The following PLXDC1 variants were observed in gnomAD, a reference collection of about 807,000 sequenced individuals.
The protein encoded by PLXDC1 is plexin domain-containing protein 1.
In PLXDC1, 39 loss-of-function variants were observed where a neutral mutation model predicts 61.3. The observed-to-expected ratio is 0.64, with a 90% CI of 0.49 to 0.83. PLXDC1 has a LOEUF of 0.83. Among genes scored for constraint, PLXDC1 ranks in the 40% least tolerant of loss-of-function variants. The pLI is 0.00. For synonymous variants in PLXDC1, 212 were observed against 254.5 expected, an observed-to-expected ratio of 0.83 and a Z score of 1.59; for missense variants, 596 against 666.5, an observed-to-expected ratio of 0.89 and a Z score of 1.17.
intron 2 of PLXDC1, among the ~76,000 whole-genome samples, chr17:39,132,668 G>T (rs1911604119): frequency 6.6e-6 from 1 of 152,180 alleles, no homozygotes; most frequent in Admixed American, 6.5e-5. Context: ...CCTGGCAGAG[G>T]CACTGGGCAG....
At chr17:39,147,198 C>T (rs887166174) in intron 1 of PLXDC1, among the ~76,000 whole-genome samples, 2 of 152,162 alleles carry the variant, frequency 1.3e-5, no homozygotes, top group Non-Finnish European at 2.9e-5. Context: ...CCTTGTGATC[C>T]ACCCACCTCG....
Position 39,108,753 on chromosome 17 carries a change from C to A in PLXDC1, c.469+151G>T, listed in dbSNP as rs548813610. On this transcript the variant is annotated intron_variant, in intron 4 of 13. Transcript: ENST00000315392. ...GGGAGATGCTCTGACGTCCACTGAC[C>A]CCCCTCCTGAGAATCAGACTCCTAT... 5 of 638,680 alleles carry A rather than the reference C, an allele frequency of 7.8e-6. No individual in the cohort carries two copies. In the South Asian group the frequency reaches 8.8e-5, roughly 11 times the overall value. The allele number at this position is 638,680 out of a possible 1,614,324, so 39.6% of individuals were successfully genotyped here.
intron 7 of PLXDC1, among the ~76,000 whole-genome samples, chr17:39,092,080 A>ATTTAT (rs1218500236): frequency 1.3e-5 from 2 of 151,546 alleles, no homozygotes; most frequent in East Asian, 3.9e-4. Flanking sequence ...TTACTTTTTC[A>ATTTAT]TTTATTTATT....
At chr17:39,111,574 T>C (rs7225562) in intron 2 of PLXDC1, among the ~76,000 whole-genome samples, 50,138 of 152,032 alleles carry the variant, frequency 0.33, 9,081 homozygotes, top group African/African-American at 0.48. Flanking sequence ...TGTGAGCCAC[T>C]GCGCCTAGCC....
At chr17:39,100,690 T>C (rs1181258874) in intron 7 of PLXDC1, among the ~76,000 whole-genome samples, 1 of 152,260 alleles carries the variant, frequency 6.6e-6, no homozygotes, top group African/African-American at 2.4e-5. Flanking sequence ...CTGGAGCAAT[T>C]TGTTATACAG....
rs934537285 is a variant in PLXDC1, at chr17:39,079,176, C to T, written c.990-12G>A. 3.5e-5 allele frequency: 57 copies of T among 1,611,264 alleles called. No homozygotes were observed. The highest frequency in any genetic ancestry group is 4.8e-5 in the Non-Finnish European group (56 of 1,177,664). ...AGCCACTGGAGCATCTGCAGGAGGA[C>T]CAAAAGGACAGAGTTATGATGGGAT... On this transcript the variant is annotated splice_polypyrimidine_tract_variant and intron_variant, in intron 9 of 13. Coordinates refer to ENST00000315392, the MANE Select transcript of PLXDC1 (RefSeq NM_020405.5).
At position 39,147,820 on chromosome 17, in the gene PLXDC1, G is replaced by C. The variant is rs73983241; in HGVS notation, c.76+3542C>G. On this transcript the variant is annotated intron_variant, in intron 1 of 13. Transcript: ENST00000315392. Reference sequence around the variant, plus strand: ...TCATTCAATACACTTTTATTGAGTCGCAGGCACTGTGCTGGGTGCTGGGGG... The same window carrying C: ...TCATTCAATACACTTTTATTGAGTCCCAGGCACTGTGCTGGGTGCTGGGGG... Among the ~76,000 whole-genome samples the C allele has an allele frequency of 6.7e-3, 1,022 of 152,258 alleles. 13 individuals carry two copies. Among genetic ancestry groups the C allele is most frequent in the African/African-American group, 0.023 (959 of 41,536 alleles).
rs1274355474 is a variant in PLXDC1, at chr17:39,072,521, G to A, written c.1187-36C>T. 3 of 1,310,168 alleles carry A rather than the reference G, an allele frequency of 2.3e-6. No individual in the cohort carries two copies. The Admixed American group carries it at 5.9e-5, about 26-fold the overall frequency. 81.2% of individuals were successfully genotyped at this position (1,310,168 alleles called of 1,614,324 possible). ...AGAAGACAGAAGGAGCAAGATTAGT[G>A]GAATCATTACAGCCTTTGTCACTCT... On this transcript the variant is annotated intron_variant, in intron 11 of 13. Transcript: ENST00000315392.
intron 2 of PLXDC1, among the ~76,000 whole-genome samples, chr17:39,122,841 C>G (rs945546047): frequency 6.6e-6 from 1 of 152,234 alleles, no homozygotes; most frequent in Non-Finnish European, 1.5e-5. Context: ...GGATTTCAAA[C>G]ATTTTTGGTC....
At chr17:39,130,563 T>C (rs1911525697) in intron 2 of PLXDC1, among the ~76,000 whole-genome samples, 1 of 152,140 alleles carries the variant, frequency 6.6e-6, no homozygotes, top group Non-Finnish European at 1.5e-5. Context: ...TGGTTTATTT[T>C]ATTTTACTTT....
chr17:39,131,495 G>A (rs965531000), intron 2 of PLXDC1, among the ~76,000 whole-genome samples: 1 of 152,042 alleles, frequency 6.6e-6, no homozygotes, highest in Non-Finnish European at 1.5e-5. Context: ...TAAGATTATA[G>A]GCGTGCACCA....
At chr17:39,128,125 A>ATATATATGTATGTATCTATC (rs1911395732) in intron 2 of PLXDC1, among the ~76,000 whole-genome samples, 1 of 36,738 alleles carries the variant, frequency 2.7e-5, no homozygotes, top group Non-Finnish European at 5.5e-5. Context: ...GTATATATAT[A>ATATATATGTATGTATCTATC]TGTGTATATA....
At chr17:39,116,411 G>A (rs150554274) in intron 2 of PLXDC1, among the ~76,000 whole-genome samples, 3 of 152,292 alleles carry the variant, frequency 2.0e-5, no homozygotes, top group African/African-American at 7.2e-5. Context: ...TGCCAAATGA[G>A]CTGAATCACA....
chr17:39,122,309 G>T (rs2143792349), intron 2 of PLXDC1, among the ~76,000 whole-genome samples: 1 of 145,204 alleles, frequency 6.9e-6, no homozygotes, highest in East Asian at 2.1e-4. Context: ...GGAGGCTGAG[G>T]CAGGAGAATC....
At chr17:39,152,599 A>AG, upstream of PLXDC1, 1 of 1,251,338 alleles carries the variant, frequency 8.0e-7, no homozygotes, top group Non-Finnish European at 1.0e-6. Context: ...AGACGGGGTG[A>AG]GGGGGCATCC....
chr17:39,098,684 T>C (rs1023945038), intron 7 of PLXDC1, among the ~76,000 whole-genome samples: 5 of 152,148 alleles, frequency 3.3e-5, no homozygotes, highest in Non-Finnish European at 7.4e-5. Flanking sequence ...TTCCACTGCA[T>C]GGCGGAGTGG....
rs1279557079 is a variant in PLXDC1, at chr17:39,077,921, G to A, written c.1178C>T (p.Thr393Ile). ...TSSSLFIDSL[T>I]TEDDTKLNPY... ...CTGGGCTCAGAACTTACCTTCTGTG[G>A]TGAGGCTGTCGATGAAGAGGGAGGA... Residue 393 changes from threonine (T) to isoleucine (I), a missense_variant, in exon 11 of 14, where the codon ACC (threonine) becomes ATC (isoleucine). Physicochemically the swap from Thr to Ile is moderately conservative, Grantham distance 89. Coordinates refer to ENST00000315392, the MANE Select transcript of PLXDC1 (RefSeq NM_020405.5). 2.5e-6 allele frequency: 4 copies of A among 1,614,134 alleles called. No individual in the cohort carries two copies. The highest frequency in any genetic ancestry group is 2.5e-6 in the Non-Finnish European group (3 of 1,179,974).
chr17:39,141,349 ACTACT>A (rs1911928981), intron 1 of PLXDC1, among the ~76,000 whole-genome samples: 1 of 152,096 alleles, frequency 6.6e-6, no homozygotes, highest in Non-Finnish European at 1.5e-5. Flanking sequence ...TATGATTTTG[ACTACT>A]CTAAGTATCT....
chr17:39,085,626 C>A (rs1227710940), intron 8 of PLXDC1, among the ~76,000 whole-genome samples: 1 of 152,066 alleles, frequency 6.6e-6, no homozygotes, highest in African/African-American at 2.4e-5. Flanking sequence ...CTCACTCCCA[C>A]CCCAGGCCAC....
Sources: allele counts gnomAD v4.1 joint callset (sites outside exome capture counted in the v4.1 genomes callset), GRCh38; gene constraint gnomAD v4.1.1; transcripts MANE v1.5; gene names NCBI Gene and HGNC (gene_info 2026-07-23, HGNC 2026-07-21).